C9orf85: variants seen among roughly 807,000 people sequenced by gnomAD.
C9orf85 encodes the protein uncharacterized protein C9orf85.
A neutral mutation model predicts 14.9 loss-of-function variants in C9orf85; 16 were observed. The ratio of observed to expected loss-of-function variants is 1.08; its 90% CI spans 0.73 to 1.63. The LOEUF (loss-of-function observed/expected upper bound fraction) is 1.63, where lower values mean the gene tolerates loss of function less well. Among genes scored for constraint, C9orf85 ranks in the 40% most tolerant of loss-of-function variants. The probability of loss-of-function intolerance (pLI) is 0.00; values close to 1 mark genes in which losing one functional copy is unlikely to be tolerated. For synonymous variants in C9orf85, 45 were observed against 56.8 expected (o/e 0.79, Z 0.93); for missense variants, 172 against 186.1 (o/e 0.92, Z 0.44).
Position 71,971,617 on chromosome 9 carries a change from C to A in C9orf85, c.322C>A (p.Pro108Thr). The change falls in exon 3 of 4, where the codon CCG becomes ACG. Residue 108 changes from proline to threonine, a missense_variant and splice_region_variant. Physicochemically the swap from Pro to Thr is conservative, Grantham distance 38 (BLOSUM62 -1). Coordinates refer to ENST00000334731, the MANE Select transcript of C9orf85 (RefSeq NM_182505.5). The part of the protein sequence containing the change: ...KCGKKEDIVI[P>T]LNKETEKIEH... ...TGGAAAGAAAGAAGACATTGTTATT[C>A]CGTGAGTGTTTCCTTTTATGTTTGA... The A allele has an allele frequency of 6.3e-7, 1 of 1,583,594 alleles. No individual in the cohort carries two copies.
At chr9:71,925,508 T>C (rs1032945267) in intron 1 of C9orf85, among the ~76,000 whole-genome samples, 1 of 152,164 alleles carries the variant, frequency 6.6e-6, no homozygotes, top group Non-Finnish European at 1.5e-5. Flanking sequence ...TGAAGAAGGT[T>C]CTGTCGGCAG....
chr9:71,955,402 C>G (rs1589263887), intron 2 of C9orf85, among the ~76,000 whole-genome samples: 1 of 152,070 alleles, frequency 6.6e-6, no homozygotes, highest in African/African-American at 2.4e-5. Flanking sequence ...CAGAGCAACT[C>G]TCAGGGCTGC....
intron 1 of C9orf85, among the ~76,000 whole-genome samples, chr9:71,926,470 G>T (rs1589248543): frequency 6.6e-6 from 1 of 151,930 alleles, no homozygotes; most frequent in South Asian, 2.1e-4. Flanking sequence ...TAGGAAAATA[G>T]AAACCATGAA....
At chr9:71,983,932 TAAAC>T (rs1220349269), downstream of C9orf85, 1 of 152,164 alleles carries the variant, frequency 6.6e-6, no homozygotes, top group East Asian at 1.9e-4. Context: ...TGTATGTAAA[TAAAC>T]AAACATGCTG....
At chr9:71,941,345 G>T (rs1291488511) in intron 1 of C9orf85, among the ~76,000 whole-genome samples, 1 of 152,154 alleles carries the variant, frequency 6.6e-6, no homozygotes, top group Non-Finnish European at 1.5e-5. Context: ...ACCACCTTAA[G>T]CAAGTTATCA....
At chr9:71,946,054 A>G (rs1822078788) in intron 1 of C9orf85, among the ~76,000 whole-genome samples, 1 of 152,240 alleles carries the variant, frequency 6.6e-6, no homozygotes, top group Non-Finnish European at 1.5e-5. Flanking sequence ...GAAAATTACA[A>G]TAAAAAACTT....
intron 1 of C9orf85, among the ~76,000 whole-genome samples, chr9:71,912,783 C>A (rs1030530122): frequency 1.2e-4 from 18 of 152,138 alleles, no homozygotes; most frequent in African/African-American, 4.3e-4. Context: ...ACTCGGGAGG[C>A]TGAGGCAGGG....
intron 2 of C9orf85, among the ~76,000 whole-genome samples, chr9:71,968,060 T>C (rs957957532): frequency 6.6e-6 from 1 of 151,518 alleles, no homozygotes; most frequent in Non-Finnish European, 1.5e-5. Context: ...GAATTAGCCT[T>C]GTATTCCCAG....
chr9:71,911,642 G>A lies in C9orf85; in HGVS notation c.-93G>A, dbSNP rs1827484259. On this transcript the variant is annotated 5_prime_UTR_variant, in exon 1 of 4. Coordinates refer to ENST00000334731, the MANE Select transcript of C9orf85 (RefSeq NM_182505.5). The stretch of plus-strand genomic sequence containing the variant: ...CTGCGTTTGTTTCTTCCGGGTCATT[G>A]ACAGAAGCGTCAATTCCTGGGAGTA... 9.0e-7 allele frequency: 1 copy of A among 1,116,286 alleles called. No individual in the cohort carries two copies. Among genetic ancestry groups the A allele is most frequent in the Non-Finnish European group, 1.4e-6 (1 of 730,838 alleles). The allele number at this position is 1,116,286 out of a possible 1,614,324, so 69.1% of individuals were successfully genotyped here. A position where few individuals can be genotyped will look rare whatever the true frequency, so the allele number is the denominator to read the frequency against.
chr9:71,976,525 G>A (rs1420872398), downstream of C9orf85, among the ~76,000 whole-genome samples: 1 of 152,084 alleles, frequency 6.6e-6, no homozygotes, highest in Non-Finnish European at 1.5e-5. Flanking sequence ...AGCCGGGCGT[G>A]GTGGCGGGCG....
intron 1 of C9orf85, 27 bp from the exon 2 acceptor site, chr9:71,946,979 C>T (rs770263871): frequency 6.5e-7 from 1 of 1,537,328 alleles, no homozygotes; most frequent in Non-Finnish European, 9.0e-7. Flanking sequence ...GTGAAATTCT[C>T]AATTTGTCTT....
At chr9:71,959,129 TTTC>T (rs573419215) in intron 2 of C9orf85, among the ~76,000 whole-genome samples, 280 of 152,100 alleles carry the variant, frequency 1.8e-3, no homozygotes, top group Non-Finnish European at 2.9e-3. Flanking sequence ...AATTTAACAT[TTTC>T]TTCTTTTTTT....
chr9:71,963,906 A>G (rs1822604200), intron 2 of C9orf85, among the ~76,000 whole-genome samples: 1 of 152,078 alleles, frequency 6.6e-6, no homozygotes, highest in Admixed American at 6.5e-5. Flanking sequence ...TCAACCACCC[A>G]AGGGCTGAGG....
chr9:71,975,425 G>A (rs1385912449), downstream of C9orf85, among the ~76,000 whole-genome samples: 2 of 139,294 alleles, frequency 1.4e-5, no homozygotes, highest in African/African-American at 5.5e-5. Flanking sequence ...TGGGTGACAA[G>A]AGCAAGACTC....
downstream of C9orf85, among the ~76,000 whole-genome samples, chr9:71,973,967 C>G (rs1265394467): frequency 1.3e-5 from 2 of 150,786 alleles, no homozygotes; most frequent in Non-Finnish European, 2.9e-5. Context: ...ACTCTTGTTG[C>G]ACAGGCTGGA....
chr9:71,972,798 GA>G lies in C9orf85; in HGVS notation c.431del (p.Asp144ValfsTer4), dbSNP rs751077821. On this transcript the variant is annotated frameshift_variant, in exon 4 of 4. Transcript: ENST00000334731. LOFTEE classifies it low-confidence loss of function (END_TRUNC). ...NEESDDDLDF[D>X]IDLEDTGGDH... ...AGAAAGTGATGATGATTTAGATTTT[GA>G]TATTGATTTAGAAGACACAGGAGGA... 2 of 1,609,934 alleles carry G rather than the reference GA, an allele frequency of 1.2e-6. No homozygotes were observed. The highest frequency in any genetic ancestry group is 2.7e-5 in the African/African-American group (2 of 74,830).
At chr9:71,980,823 C>CG (rs1456799437) in intron 3 of C9orf85, among the ~76,000 whole-genome samples, 2 of 152,160 alleles carry the variant, frequency 1.3e-5, no homozygotes, top group African/African-American at 4.8e-5. Context: ...TGCCAGCTGA[C>CG]ACAAGGCAGG....
chr9:71,969,037 TG>T (rs1272937825), intron 2 of C9orf85, among the ~76,000 whole-genome samples: 2 of 152,140 alleles, frequency 1.3e-5, no homozygotes, highest in Non-Finnish European at 2.9e-5. Context: ...TGTGAACTAC[TG>T]ATTAGAACTG....
chr9:71,963,971 G>A (rs1448666524), intron 2 of C9orf85, among the ~76,000 whole-genome samples: 1 of 152,216 alleles, frequency 6.6e-6, no homozygotes, highest in Non-Finnish European at 1.5e-5. Flanking sequence ...GCCCCGGAGT[G>A]GGATCCACGG....
Sources: gnomAD v4.1 joint callset for allele counts (sites outside exome capture counted in the v4.1 genomes callset) on GRCh38, gnomAD v4.1.1 for gene constraint, MANE v1.5 for transcripts, NCBI Gene and HGNC (gene_info 2026-07-23, HGNC 2026-07-21) for gene names.